Variants in PRAM1 observed in about 807,000 individuals in gnomAD.
The protein encoded by PRAM1 is PML-RARA regulated adaptor molecule 1.
PRAM1 carries 41 observed loss-of-function variants against 55.3 expected under a neutral mutation model. That is an observed-to-expected ratio of 0.74 (90% CI 0.58 to 0.96). PRAM1 has a LOEUF of 0.96. PRAM1 is among the 40% of genes least tolerant of loss of function. PRAM1 has a pLI of 0.00. For missense variants in PRAM1, 898 were observed against 892.7 expected (o/e 1.01, Z -0.08); for synonymous variants, 401 against 387.1 (o/e 1.04, Z -0.42).
rs1971763153 is a variant in PRAM1 at position 8,499,301 on chromosome 19, C to A, written c.507G>T (p.Gln169His). The A allele has an allele frequency of 6.2e-7, 1 of 1,610,140 alleles. No homozygotes were observed. Among genetic ancestry groups the A allele is most frequent in the Non-Finnish European group, 8.5e-7 (1 of 1,178,324 alleles). The change falls in exon 2 of 10, where the codon CAG (glutamine) becomes CAT (histidine). Residue 169 changes from glutamine (Q) to histidine (H), a missense_variant. By Grantham distance (24) the Gln-to-His change is conservative (BLOSUM62 0). This residue lies in a region of PRAM1 where 787 missense variants were observed against 735.4 expected (regional missense o/e 1.07). Transcript: ENST00000423345. ...EPGAPARKPLQPDELSHPARP... is the reference protein window; with the variant it reads ...EPGAPARKPLHPDELSHPARP... Reference sequence around the variant, plus strand: ...TGGCGGGGTGACTGAGTTCGTCGGGCTGCAGGGGTTTCCGGGCCGGCGCAC... The same window carrying A: ...TGGCGGGGTGACTGAGTTCGTCGGGATGCAGGGGTTTCCGGGCCGGCGCAC...
Position 8,498,645 on chromosome 19 carries a change from G to T in PRAM1, c.1163C>A (p.Ala388Asp). ...GGCCGCAGGCAGTGAGCTCTCGGAA[G>T]CGGAGCTGGGGAGTGGAGGCTTTCG... is the stretch of plus-strand genomic sequence containing the variant. ...LPRKPPLPSS[A>D]SESSLPAAVA... The change falls in exon 2 of 10, where the codon GCT becomes GAT. Residue 388 changes from alanine to aspartate, a missense_variant. Physicochemically the swap from Ala to Asp is moderately radical, Grantham distance 126. Transcript: ENST00000423345. 6.2e-7 allele frequency: 1 copy of T among 1,611,902 alleles called. No homozygotes were observed. The highest frequency in any genetic ancestry group is 1.3e-5 in the African/African-American group (1 of 75,030).
In PRAM1 at chr19:8,490,439, C is replaced by T; in HGVS notation, c.1940+37G>A. The T allele has an allele frequency of 6.2e-7, 1 of 1,613,400 alleles. No homozygotes were observed. The highest frequency in any genetic ancestry group is 2.2e-5 in the East Asian group (1 of 44,852). On this transcript the variant is annotated intron_variant, in intron 8 of 9. Coordinates refer to ENST00000423345, the MANE Select transcript of PRAM1 (RefSeq NM_032152.5). The surrounding 1 kb of genome is among the most constrained non-coding windows in gnomAD (Gnocchi z 7.3). ...ATTCCCCCCACCCTGCACCACACACCCCGCACTCCCCCACCACGGTCAGGG... is the reference window on the plus strand; with the variant it reads ...ATTCCCCCCACCCTGCACCACACACTCCGCACTCCCCCACCACGGTCAGGG...
intron 4 of PRAM1, among the ~76,000 whole-genome samples, chr19:8,497,395 T>C (rs1376932965): frequency 1.3e-5 from 2 of 152,136 alleles, no homozygotes; most frequent in African/African-American, 4.8e-5. Flanking sequence ...CAGACTGGTC[T>C]GGAATCTTGG....
chr19:8,490,823 C>T lies in PRAM1; in HGVS notation c.1743+64G>A. ...CTTGGGCCCCTGTCTTCTTTCTGAG[C>T]CTGGGATCGGTGGGACCCTGGTCTC... On this transcript the variant is annotated intron_variant, in intron 6 of 9. Coordinates refer to ENST00000423345, the MANE Select transcript of PRAM1 (RefSeq NM_032152.5). This position sits in a 1 kb window ranked among gnomAD's most constrained non-coding sequence, Gnocchi z 7.3. The T allele has an allele frequency of 6.2e-7, 1 of 1,608,034 alleles. No homozygotes were observed. Among genetic ancestry groups the T allele is most frequent in the African/African-American group, 1.3e-5 (1 of 75,002 alleles).
chr19:8,490,186 G>C lies in PRAM1; in HGVS notation c.*3C>G. The C allele has an allele frequency of 6.3e-7, 1 of 1,575,662 alleles. No homozygotes were observed. Among genetic ancestry groups the C allele is most frequent in the Non-Finnish European group, 8.6e-7 (1 of 1,159,638 alleles). The stretch of plus-strand genomic sequence containing the variant: ...GGCTGTCCTGGCCCCACGCCTACCG[G>C]TCTTACCGTCCCAGGGGGAGTGGTT... On this transcript the variant is annotated 3_prime_UTR_variant, in exon 10 of 10. Transcript: ENST00000423345. The surrounding 1 kb of genome is among the most constrained non-coding windows in gnomAD (Gnocchi z 7.3).
intron 1 of PRAM1, among the ~76,000 whole-genome samples, chr19:8,500,858 C>A (rs1213299676): frequency 1.3e-5 from 2 of 152,052 alleles, no homozygotes; most frequent in Admixed American, 1.3e-4. Context: ...CTCCACTTCC[C>A]AGGTTCAAAT....
chr19:8,494,468 C>T (rs996774498), intron 4 of PRAM1, among the ~76,000 whole-genome samples: 2 of 152,156 alleles, frequency 1.3e-5, no homozygotes, highest in Non-Finnish European at 2.9e-5. Context: ...CAGAGGGGGC[C>T]TCTCTGCCCC....
intron 4 of PRAM1, chr19:8,491,448 G>A: frequency 2.0e-6 from 1 of 502,504 alleles, no homozygotes; most frequent in South Asian, 2.1e-5. Flanking sequence ...GGCCAGGCTG[G>A]TCTTGAACTC....
At position 8,493,641 on chromosome 19, in the gene PRAM1, G is replaced by A. The variant is rs575935076; in HGVS notation, c.1577-2484C>T. 6.6e-6 allele frequency among the ~76,000 whole-genome samples: 1 copy of A among 152,310 alleles called. No homozygotes were observed. Among genetic ancestry groups the A allele is most frequent in the South Asian group, 2.1e-4 (1 of 4,824 alleles). On this transcript the variant is annotated intron_variant, in intron 4 of 9. Transcript: ENST00000423345. This position sits in a 1 kb window ranked among gnomAD's most constrained non-coding sequence, Gnocchi z 4.1. The stretch of plus-strand genomic sequence containing the variant: ...CCCCTGCCTTCCAGGAACCTCTGCA[G>A]TGGAGCTGCCACTGCTCCAAGTAAG...
At position 8,493,524 on chromosome 19, in the gene PRAM1, C is replaced by T. The variant is rs983364459; in HGVS notation, c.1577-2367G>A. ...CATGCAGGCAGCCCTGGTTCATCCA[C>T]AGCTGACCCAGAGCAGGCCTCTGCC... On this transcript the variant is annotated intron_variant, in intron 4 of 9. Transcript: ENST00000423345. The surrounding 1 kb of genome is among the most constrained non-coding windows in gnomAD (Gnocchi z 4.1). 1.3e-5 allele frequency among the ~76,000 whole-genome samples: 2 copies of T among 150,966 alleles called. No individual in the cohort carries two copies. Among genetic ancestry groups the T allele is most frequent in the Non-Finnish European group, 1.5e-5 (1 of 68,040 alleles).
At position 8,493,594 on chromosome 19, in the gene PRAM1, C is replaced by G. The variant is rs539460816; in HGVS notation, c.1577-2437G>C. ...GCTCAGATCCCTGGGAAAGGCTGGG[C>G]TCTCCCCACCTGCAGAGGAGCCCCC... On this transcript the variant is annotated intron_variant, in intron 4 of 9. Transcript: ENST00000423345. This position sits in a 1 kb window ranked among gnomAD's most constrained non-coding sequence, Gnocchi z 4.1. Among the ~76,000 whole-genome samples, 5 of 151,262 alleles carry G rather than the reference C, an allele frequency of 3.3e-5. No individual in the cohort carries two copies. Among genetic ancestry groups the G allele is most frequent in the African/African-American group, 1.2e-4 (5 of 40,554 alleles).
At position 8,490,746 on chromosome 19, in the gene PRAM1, T is replaced by TC. The variant is rs1971610834; in HGVS notation, c.1753dup (p.Glu585GlyfsTer15). ...CATCATCTTCGTGTGAACCACGATC[T>TC]CCCCTTCAAACTGGGGCGCGAGATG... On this transcript the variant is annotated frameshift_variant, in exon 7 of 10. Coordinates refer to ENST00000423345, the MANE Select transcript of PRAM1 (RefSeq NM_032152.5). LOFTEE classifies it high-confidence loss of function. This position sits in a 1 kb window ranked among gnomAD's most constrained non-coding sequence, Gnocchi z 7.3. 6.2e-7 allele frequency: 1 copy of TC among 1,609,592 alleles called. No homozygotes were observed. The highest frequency in any genetic ancestry group is 1.1e-5 in the South Asian group (1 of 91,066).
At chr19:8,500,655 C>T (rs1180813732) in intron 1 of PRAM1, among the ~76,000 whole-genome samples, 2 of 152,212 alleles carry the variant, frequency 1.3e-5, no homozygotes, top group Non-Finnish European at 2.9e-5. Context: ...GGCCTCTGCC[C>T]TGTCCCTGAC....
chr19:8,502,464 G>GGGGGCCCCC, intron 1 of PRAM1, 101 bp downstream of exon 1: 1 of 216,460 alleles, frequency 4.6e-6, no homozygotes. Flanking sequence ...GCCACCCCCC[G>GGGGGCCCCC]CCCCCCCGCC....
rs35262115 is a variant in PRAM1, at chr19:8,501,098, CTT to C, written c.28-1320_28-1319del. ...TAGACCACCCTATTTTTCTTTCTTT[CTT>C]TTTTTTTTTTTTTTTTGAGACGGAG... On this transcript the variant is annotated intron_variant, in intron 1 of 9. Transcript: ENST00000423345. Among the ~76,000 whole-genome samples, 631 of 118,114 alleles carry C rather than the reference CTT, an allele frequency of 5.3e-3. 10 individuals are homozygous for C. The highest frequency in any genetic ancestry group is 0.046 in the South Asian group (178 of 3,850). The allele number at this position is 118,114 out of a possible 152,430, so 77.5% of individuals were successfully genotyped here.
rs776579744 is a variant in PRAM1, at chr19:8,499,133, G to C, written c.675C>G (p.Pro225=). Residue 225 remains proline (P), a synonymous_variant, in exon 2 of 10, where the codon CCC becomes CCG. Coordinates refer to ENST00000423345, the MANE Select transcript of PRAM1 (RefSeq NM_032152.5). ...CGACCTGAGGCTGCGGAGGCTTTTTGGGGTACACGTTGAACTCAGGCTGCG... is the reference window on the plus strand; with the variant it reads ...CGACCTGAGGCTGCGGAGGCTTTTTCGGGTACACGTTGAACTCAGGCTGCG... The part of the protein sequence containing the change: ...KPAQPEFNVY[P]KKPPQPQVGG... The C allele has an allele frequency of 5.6e-6, 9 of 1,613,592 alleles. No homozygotes were observed. The highest frequency in any genetic ancestry group is 6.8e-6 in the Non-Finnish European group (8 of 1,179,796).
intron 4 of PRAM1, among the ~76,000 whole-genome samples, chr19:8,495,693 G>A (rs1227769453): frequency 2.0e-5 from 3 of 150,822 alleles, no homozygotes; most frequent in African/African-American, 4.9e-5. Context: ...TGGAGGGTAC[G>A]GATTTAAGGA....
intron 4 of PRAM1, among the ~76,000 whole-genome samples, chr19:8,496,953 G>A (rs1971707260): frequency 6.6e-6 from 1 of 152,096 alleles, no homozygotes; most frequent in African/African-American, 2.4e-5. Context: ...ATGAACCCGG[G>A]AGGCGGAGCT....
Position 8,499,091 on chromosome 19 carries a change from C to T in PRAM1, c.717G>A (p.Lys239=). The change falls in exon 2 of 10, where the codon AAG becomes AAA. Residue 239 remains lysine, a synonymous_variant. Coordinates refer to ENST00000423345, the MANE Select transcript of PRAM1 (RefSeq NM_032152.5). ...CGCTGAACTCAGGCTGCGGCACGGA[C>T]TTCTTAGGGAGGCCACCGACCTGAG... ...PQPQVGGLPK[K]SVPQPEFSEA... The T allele has an allele frequency of 1.2e-6, 2 of 1,613,598 alleles. No individual in the cohort carries two copies. Among genetic ancestry groups the T allele is most frequent in the Non-Finnish European group, 1.7e-6 (2 of 1,179,766 alleles).
Sources: gnomAD v4.1 joint callset for allele counts (sites outside exome capture counted in the v4.1 genomes callset) on GRCh38, gnomAD v4.1.1 for gene constraint, gnomAD v4.1.1 regional missense constraint, Gnocchi (gnomAD v3.1) non-coding constraint, MANE v1.5 for transcripts, NCBI Gene and HGNC (gene_info 2026-07-23, HGNC 2026-07-21) for gene names.